KMT2B: variants seen among roughly 807,000 people sequenced by gnomAD.
KMT2B encodes lysine methyltransferase 2B.
A neutral mutation model predicts 255.3 loss-of-function variants in KMT2B; 22 were observed. The observed-to-expected ratio is 0.09, with a 90% CI of 0.06 to 0.12. The LOEUF (loss-of-function observed/expected upper bound fraction) is 0.12. Among genes scored for constraint, KMT2B ranks in the 10% least tolerant of loss-of-function variants. The pLI, the probability that KMT2B is intolerant of heterozygous loss-of-function variation, is 1.00. For synonymous variants in KMT2B, 1,730 were observed against 1,498.1 expected (o/e 1.15, Z -3.57); for missense variants, 3,149 against 3,737.0 (o/e 0.84, Z 4.10).
rs1052657690 is a variant in KMT2B, at chr19:35,724,717, A to C, written c.3415A>C (p.Arg1139=). 1 of 1,590,762 alleles carries C rather than the reference A, an allele frequency of 6.3e-7. No homozygotes were observed. The change falls in exon 9 of 37, where the codon AGG becomes CGG. Residue 1139 remains arginine, a synonymous_variant. Coordinates refer to ENST00000420124, the MANE Select transcript of KMT2B (RefSeq NM_014727.3). ...GCCTGTGTTGCAGCTCAAGGCCCGA[A>C]GGCGCCTGGACAAGGTCAGCACGGC... The part of the protein sequence containing the change: ...LQPVLQLKAR[R]RLDKDALAPG...
At position 35,723,940 on chromosome 19, in the gene KMT2B, C is replaced by T. The variant is rs766304142; in HGVS notation, c.3267C>T (p.Phe1089=). 5.0e-6 allele frequency: 8 copies of T among 1,612,188 alleles called. No individual in the cohort carries two copies. The highest frequency in any genetic ancestry group is 1.1e-5 in the South Asian group (1 of 91,028). ...CVKQRPSYDI[F]EDSDDSEPGG... ...AACAGCGACCCTCCTATGATATCTT[C>T]GAGGATTCGGATGACTCGGAGCCCG... Residue 1089 remains phenylalanine (F), a synonymous_variant, in exon 8 of 37, where the codon TTC becomes TTT. Coordinates refer to ENST00000420124, the MANE Select transcript of KMT2B (RefSeq NM_014727.3). The surrounding 1 kb of genome is among the most constrained non-coding windows in gnomAD (Gnocchi z 7.5).
Position 35,721,557 on chromosome 19 carries a change from T to C in KMT2B, c.2210T>C (p.Leu737Pro), listed in dbSNP as rs1645071637. ...AACGGGCCACAGACACAGGCTCAGC[T>C]ACTGCAGCCCCTGCAGGCCTTGCAA... ...LSNGPQTQAQ[L>P]LQPLQALQTQ... Residue 737 changes from leucine (L) to proline (P), a missense_variant, in exon 3 of 37, where the codon CTA becomes CCA. Transcript: ENST00000420124. 4.3e-6 allele frequency: 7 copies of C among 1,611,736 alleles called. No individual in the cohort carries two copies. Among genetic ancestry groups the C allele is most frequent in the Middle Eastern group, 1.6e-4 (1 of 6,062 alleles).
At chr19:35,719,342 T>C in intron 1 of KMT2B, 127 bp from the exon 2 acceptor site, 1 of 698,350 alleles carries the variant, frequency 1.4e-6, no homozygotes, top group Non-Finnish European at 2.4e-6. Flanking sequence ...TTGAGTCTTT[T>C]TCGTTCTTTT....
Position 35,737,487 on chromosome 19 carries a change from G to GC in KMT2B, c.7551-148dup. On this transcript the variant is annotated intron_variant, in intron 33 of 36. Transcript: ENST00000420124. This position sits in a 1 kb window ranked among gnomAD's most constrained non-coding sequence, Gnocchi z 5.3. The stretch of plus-strand genomic sequence containing the variant: ...GCATGAGCCCAGGAGTTGGAGACCA[G>GC]CGTAGGCAACATGGCAAAACCCCAT... 1 of 748,200 alleles carries GC rather than the reference G, an allele frequency of 1.3e-6. No individual in the cohort carries two copies. The highest frequency in any genetic ancestry group is 2.7e-5 in the East Asian group (1 of 36,868). 46.3% of individuals were successfully genotyped at this position (748,200 alleles called of 1,614,324 possible). A position where few individuals can be genotyped will look rare whatever the true frequency, so the allele number is the denominator to read the frequency against.
Position 35,730,476 on chromosome 19 carries a change from T to C in KMT2B, c.5197+14T>C, listed in dbSNP as rs1048911341. 6 of 1,613,854 alleles carry C rather than the reference T, an allele frequency of 3.7e-6. No individual in the cohort carries two copies. The highest frequency in any genetic ancestry group is 5.1e-6 in the Non-Finnish European group (6 of 1,179,870). On this transcript the variant is annotated intron_variant, in intron 24 of 36. Transcript: ENST00000420124. Reference sequence around the variant, plus strand: ...ACGTGCTCATTGGTAAGCTGCCTGCTCTCCGCCCTGTCCTCCTACCCTGTC... The same window carrying C: ...ACGTGCTCATTGGTAAGCTGCCTGCCCTCCGCCCTGTCCTCCTACCCTGTC...
chr19:35,719,409 G>A, intron 1 of KMT2B, 60 bp from the exon 2 acceptor site: 1 of 1,228,306 alleles, frequency 8.1e-7, no homozygotes, highest in Non-Finnish European at 1.2e-6. Flanking sequence ...TACCTCAGAT[G>A]GAACGAGGGC....
chr19:35,725,367 C>A lies in KMT2B; in HGVS notation c.3642+34C>A, dbSNP rs3888030. ...TCTGCCTTTCTTCACAGACCCCCAG[C>A]TCTCTGTCGGTCCTCACGGCCTGAT... is the stretch of plus-strand genomic sequence containing the variant. On this transcript the variant is annotated intron_variant, in intron 11 of 36. Coordinates refer to ENST00000420124, the MANE Select transcript of KMT2B (RefSeq NM_014727.3). This position sits in a 1 kb window ranked among gnomAD's most constrained non-coding sequence, Gnocchi z 4.1. The A allele has an allele frequency of 5.3e-3, 8,313 of 1,558,186 alleles. 370 individuals are homozygous for A. The African/African-American group carries it at 0.098, about 18-fold the overall frequency.
rs748861506 is a variant in KMT2B, at chr19:35,723,879, C to G, written c.3206C>G (p.Ser1069Cys). The change falls in exon 8 of 37, where the codon TCC becomes TGC. Residue 1069 changes from serine to cysteine, a missense_variant. Ser to Cys is a moderately radical substitution (Grantham distance 112). Coordinates refer to ENST00000420124, the MANE Select transcript of KMT2B (RefSeq NM_014727.3). The surrounding 1 kb of genome is among the most constrained non-coding windows in gnomAD (Gnocchi z 7.5). Reference protein sequence around the residue: ...VAHPGPEEQDSLLQRKSARRC... With the variant: ...VAHPGPEEQDCLLQRKSARRC... ...CACCCAGGGCCCGAGGAGCAGGACT[C>G]CCTCCTGCAGCGCAAGTCAGCTCGG... is the stretch of plus-strand genomic sequence containing the variant. The G allele has an allele frequency of 2.0e-5, 33 of 1,610,180 alleles. No homozygotes were observed. The highest frequency in any genetic ancestry group is 2.7e-5 in the African/African-American group (2 of 74,878).
Position 35,730,481 on chromosome 19 carries a change from G to A in KMT2B, c.5197+19G>A, listed in dbSNP as rs764557497. ...CTCATTGGTAAGCTGCCTGCTCTCC[G>A]CCCTGTCCTCCTACCCTGTCCTGCC... is the stretch of plus-strand genomic sequence containing the variant. On this transcript the variant is annotated intron_variant, in intron 24 of 36. Coordinates refer to ENST00000420124, the MANE Select transcript of KMT2B (RefSeq NM_014727.3). 43 of 1,613,796 alleles carry A rather than the reference G, an allele frequency of 2.7e-5. No individual in the cohort carries two copies. The highest frequency in any genetic ancestry group is 8.0e-5 in the African/African-American group (6 of 74,890).
chr19:35,722,908 A>G, intron 5 of KMT2B, 87 bp from the exon 6 acceptor site: 1 of 1,450,414 alleles, frequency 6.9e-7, no homozygotes, highest in East Asian at 2.5e-5. Context: ...TGAGAAAGCG[A>G]GAGCCAGGTT....
intron 26 of KMT2B, among the ~76,000 whole-genome samples, chr19:35,731,258 T>C (rs1204618412): frequency 1.3e-5 from 2 of 152,192 alleles, no homozygotes. Flanking sequence ...CTGCATCTGC[T>C]CAGCTCCCAA....
intron 20 of KMT2B, 38 bp from the exon 21 acceptor site, chr19:35,728,947 T>C (rs1392413159): frequency 3.7e-6 from 6 of 1,612,690 alleles, no homozygotes; most frequent in African/African-American, 2.7e-5. Context: ...TGGCTCCGGG[T>C]CCTGATTCTT....
Position 35,725,743 on chromosome 19 carries a change from C to T in KMT2B, c.3810C>T (p.Arg1270=). ...AACAGCACCTCCTGGAGTGCGAGCG[C>T]TGCCGCCATGCATACCACCCGGCCT... ...RGSKHLLECE[R]CRHAYHPACL... Residue 1270 remains arginine (R), a synonymous_variant, in exon 13 of 37, where the codon CGC becomes CGT. Coordinates refer to ENST00000420124, the MANE Select transcript of KMT2B (RefSeq NM_014727.3). The surrounding 1 kb of genome is among the most constrained non-coding windows in gnomAD (Gnocchi z 4.1). The T allele has an allele frequency of 1.2e-6, 2 of 1,607,246 alleles. No homozygotes were observed.
At chr19:35,722,803 G>A in intron 5 of KMT2B, 85 bp downstream of exon 5, 3 of 1,502,094 alleles carry the variant, frequency 2.0e-6, no homozygotes, top group South Asian at 2.7e-5. Context: ...AGGAGAGAGG[G>A]AGCCAAGTCA....
In KMT2B at chr19:35,721,095, C is replaced by T; in HGVS notation, c.1748C>T (p.Pro583Leu). Residue 583 changes from proline to leucine, a missense_variant, in exon 3 of 37, where the codon CCA becomes CTA. Physicochemically the swap from Pro to Leu is moderately conservative, Grantham distance 98. Transcript: ENST00000420124. ...VPQEPAPVPS[P>L]PRAPTPPSTP... ...CAGGAGCCAGCACCAGTCCCCTCTC[C>T]ACCACGTGCCCCAACTCCTCCATCT... 6.2e-7 allele frequency: 1 copy of T among 1,611,316 alleles called. No homozygotes were observed. The highest frequency in any genetic ancestry group is 8.5e-7 in the Non-Finnish European group (1 of 1,179,120).
In KMT2B at chr19:35,732,354, C is replaced by T. The variant is rs1178684812; in HGVS notation, c.5805C>T (p.Thr1935=). The T allele has an allele frequency of 3.1e-6, 5 of 1,612,234 alleles. No homozygotes were observed. The highest frequency in any genetic ancestry group is 2.2e-5 in the South Asian group (2 of 90,670). Residue 1935 remains threonine (T), a synonymous_variant, in exon 28 of 37, where the codon ACC becomes ACT. Transcript: ENST00000420124. Reference sequence around the variant, plus strand: ...GGTGGGCCTCCCCTCCTCTAAAAACCTCCCCTCAGCTCAGGGTGCCCCCTC... The same window carrying T: ...GGTGGGCCTCCCCTCCTCTAAAAACTTCCCCTCAGCTCAGGGTGCCCCCTC... ...PSRWASPPLK[T]SPQLRVPPPT...
At position 35,725,222 on chromosome 19, in the gene KMT2B, G is replaced by A. The variant is rs2146449776; in HGVS notation, c.3531G>A (p.Glu1177=). The A allele has an allele frequency of 3.7e-6, 6 of 1,612,412 alleles. No homozygotes were observed. Among genetic ancestry groups the A allele is most frequent in the Non-Finnish European group, 5.1e-6 (6 of 1,179,080 alleles). ...GVHRVRVDFK[E]DCDLENVWLM... is the part of the protein sequence containing the mutation. The stretch of plus-strand genomic sequence containing the variant: ...TCCTGCATCCTCTCTTCCCCCAGGA[G>A]GATTGTGATTTAGAGAACGTGTGGC... The change falls in exon 11 of 37, where the codon GAG becomes GAA. Residue 1177 remains glutamate, a splice_region_variant and synonymous_variant. Transcript: ENST00000420124. The surrounding 1 kb of genome is among the most constrained non-coding windows in gnomAD (Gnocchi z 4.1).
Position 35,720,951 on chromosome 19 carries a change from GCTC to G in KMT2B, c.1609_1611del (p.Ser537del), listed in dbSNP as rs1969170348. 1 of 1,611,582 alleles carries G rather than the reference GCTC, an allele frequency of 6.2e-7. No individual in the cohort carries two copies. On this transcript the variant is annotated inframe_deletion, in exon 3 of 37. Coordinates refer to ENST00000420124, the MANE Select transcript of KMT2B (RefSeq NM_014727.3). ...TTTATTATGCCTGTGGTGAGTGCCC[GCTC>G]CTCCCGTGTCATCAAGACACCCCGG...
In KMT2B at chr19:35,722,384, A is replaced by C; in HGVS notation, c.2483A>C (p.Glu828Ala). The change falls in exon 4 of 37, where the codon GAG becomes GCG. Residue 828 changes from glutamate to alanine, a missense_variant. Physicochemically the swap from Glu to Ala is moderately radical, Grantham distance 107. This residue lies in a region of KMT2B where 1,188 missense variants were observed against 1,106.4 expected (regional missense o/e 1.07). Coordinates refer to ENST00000420124, the MANE Select transcript of KMT2B (RefSeq NM_014727.3). ...CTGAGCCCTGGAGGGCAGATGGAGG[A>C]GGTGGCCGGGGCTGTCAAGCAGATC... is the stretch of plus-strand genomic sequence containing the variant. ...MPLSPGGQME[E>A]VAGAVKQISD... The C allele has an allele frequency of 6.2e-7, 1 of 1,610,560 alleles. No individual in the cohort carries two copies. Among genetic ancestry groups the C allele is most frequent in the Non-Finnish European group, 8.5e-7 (1 of 1,179,688 alleles).
Sources: gnomAD v4.1 joint callset for allele counts (sites outside exome capture counted in the v4.1 genomes callset) on GRCh38, gnomAD v4.1.1 for gene constraint, gnomAD v4.1.1 regional missense constraint, Gnocchi (gnomAD v3.1) non-coding constraint, MANE v1.5 for transcripts, NCBI Gene and HGNC (gene_info 2026-07-23, HGNC 2026-07-21) for gene names.